The following SGCD variants were observed in gnomAD, a reference collection of about 807,000 sequenced individuals.
The protein encoded by SGCD is sarcoglycan delta, also known as delta-sarcoglycan.
Under a neutral mutation model 36.6 loss-of-function variants are expected in SGCD, and 18 were observed. The ratio of observed to expected loss-of-function variants is 0.49; its 90% CI spans 0.34 to 0.73. SGCD has a LOEUF of 0.73. SGCD is among the 30% of genes least tolerant of loss of function. The pLI is 0.01. For missense variants in SGCD, 387 were observed against 346.7 expected (o/e 1.12, Z -0.92); for synonymous variants, 133 against 130.6 (o/e 1.02, Z -0.12).
At chr5:156,480,410 C>T (rs757522623) in intron 3 of SGCD, among the ~76,000 whole-genome samples, 3 of 152,208 alleles carry the variant, frequency 2.0e-5, no homozygotes, top group African/African-American at 7.2e-5. Flanking sequence ...CACATATCTA[C>T]AGTATGATAG....
chr5:156,534,078 G>A (rs2431770), intron 4 of SGCD, among the ~76,000 whole-genome samples: 18,556 of 152,014 alleles, frequency 0.12, 1,289 homozygotes, highest in Admixed American at 0.17. Flanking sequence ...ATTCATTAGT[G>A]GCAGCCTAGG....
chr5:156,639,919 G>T (rs1327040615), intron 6 of SGCD, among the ~76,000 whole-genome samples: 1 of 150,048 alleles, frequency 6.7e-6, no homozygotes, highest in Non-Finnish European at 1.5e-5. Context: ...TTCTGACATT[G>T]GCTCTCCTTT....
chr5:155,907,260 G>A (rs1004858325), intron 1 of SGCD, among the ~76,000 whole-genome samples: 1 of 152,050 alleles, frequency 6.6e-6, no homozygotes, highest in Admixed American at 6.6e-5. Context: ...CATTGACAAC[G>A]CACTTGCTTA....
At chr5:156,033,560 C>T (rs1193489018) in intron 1 of SGCD, among the ~76,000 whole-genome samples, 2 of 152,146 alleles carry the variant, frequency 1.3e-5, no homozygotes, top group Admixed American at 1.3e-4. Context: ...AATTCTTAAC[C>T]TGAAGTGTAG....
rs2113205665 is a variant in SGCD, at chr5:156,764,233, G to A, written c.*4843G>A. 6.5e-6 allele frequency: 1 copy of A among 152,724 alleles called. No individual in the cohort carries two copies. The highest frequency in any genetic ancestry group is 3.4e-3 in the Middle Eastern group (1 of 294). The allele number at this position is 152,724 out of a possible 1,614,324, so 9.5% of individuals were successfully genotyped here. On this transcript the variant is annotated 3_prime_UTR_variant, in exon 9 of 9. Coordinates refer to ENST00000337851, the MANE Select transcript of SGCD (RefSeq NM_000337.6). ...GTGGTCTTTCATCACTATCTCCGTG[G>A]TGGAAGGTTCCCCTAGTTCCAACAT...
chr5:156,748,069 C>A (rs1001987637), intron 7 of SGCD, among the ~76,000 whole-genome samples: 2 of 152,112 alleles, frequency 1.3e-5, no homozygotes, highest in Non-Finnish European at 2.9e-5. Context: ...AAAGAATGAA[C>A]AACTGATGAA....
the SGCD span, among the ~76,000 whole-genome samples, chr5:155,828,242 C>T: frequency 7.2e-5 from 11 of 152,076 alleles, no homozygotes; most frequent in African/African-American, 2.7e-4. Context: ...ATGATGGTCA[C>T]CCTCACAATA....
At chr5:156,698,255 G>C (rs763390050) in intron 7 of SGCD, among the ~76,000 whole-genome samples, 2 of 152,138 alleles carry the variant, frequency 1.3e-5, no homozygotes, top group Non-Finnish European at 2.9e-5. Context: ...CATAAGAACA[G>C]AACCAAACAG....
intron 3 of SGCD, among the ~76,000 whole-genome samples, chr5:156,161,056 G>A (rs1350541187): frequency 1.3e-5 from 2 of 151,684 alleles, no homozygotes; most frequent in South Asian, 2.1e-4. Flanking sequence ...TACCCTTATA[G>A]CCTGCTTAGA....
At chr5:156,444,117 C>CTCTCTCTCT (rs1561699488) in intron 3 of SGCD, among the ~76,000 whole-genome samples, 1 of 41,430 alleles carries the variant, frequency 2.4e-5, no homozygotes, top group Non-Finnish European at 4.0e-5. Context: ...TCTCTCTCTC[C>CTCTCTCTCT]CCTTCCCTCT....
intron 7 of SGCD, among the ~76,000 whole-genome samples, chr5:156,751,603 A>G (rs568269593): frequency 1.3e-5 from 2 of 152,336 alleles, no homozygotes; most frequent in Non-Finnish European, 2.9e-5. Context: ...CACAAATCAC[A>G]CAAAAAATAA....
At chr5:156,093,874 A>G (rs1277517803) in intron 1 of SGCD, among the ~76,000 whole-genome samples, 1 of 152,198 alleles carries the variant, frequency 6.6e-6, no homozygotes, top group Non-Finnish European at 1.5e-5. Flanking sequence ...GGTGGGTTGG[A>G]ACTTTTCTGA....
At chr5:155,881,663 T>C (rs892099532) in intron 1 of SGCD, among the ~76,000 whole-genome samples, 3 of 152,234 alleles carry the variant, frequency 2.0e-5, no homozygotes, top group Non-Finnish European at 4.4e-5. Flanking sequence ...TCACGAAAGA[T>C]TTCTCCATAG....
intron 3 of SGCD, among the ~76,000 whole-genome samples, chr5:156,455,955 A>G (rs999084871): frequency 1.3e-5 from 2 of 152,140 alleles, no homozygotes; most frequent in African/African-American, 4.8e-5. Flanking sequence ...AGGATTGAGG[A>G]CCATGGCCAG....
intron 2 of SGCD, among the ~76,000 whole-genome samples, chr5:156,343,330 A>G (rs1768766682): frequency 6.6e-6 from 1 of 152,192 alleles, no homozygotes; most frequent in African/African-American, 2.4e-5. Context: ...TAAGGGCTGT[A>G]CCATTATCTG....
the SGCD span, among the ~76,000 whole-genome samples, chr5:155,738,843 G>C: frequency 5.3e-5 from 8 of 150,260 alleles, no homozygotes; most frequent in African/African-American, 1.7e-4. Context: ...GACTGTGAGA[G>C]AGTATGTATA....
In SGCD at chr5:156,437,045, C is replaced by T. The variant is rs554978727; in HGVS notation, c.193-71556C>T. On this transcript the variant is annotated intron_variant, in intron 3 of 8. Transcript: ENST00000337851. ...TTTTTTTTTATTCCCATTCATTTCT[C>T]ACAGTTGTTGCTACGTTCAAATACC... Among the ~76,000 whole-genome samples, 5 of 152,224 alleles carry T rather than the reference C, an allele frequency of 3.3e-5. No individual in the cohort carries two copies. The South Asian group carries it at 1.0e-3, about 32-fold the overall frequency.
At chr5:156,061,172 TA>T (rs1339024668) in intron 1 of SGCD, among the ~76,000 whole-genome samples, 1 of 136,986 alleles carries the variant, frequency 7.3e-6, no homozygotes, top group Non-Finnish European at 1.6e-5. Context: ...AAATTGCAAC[TA>T]TTTTTTTTTT....
At chr5:156,556,269 G>A (rs1042245326) in intron 4 of SGCD, among the ~76,000 whole-genome samples, 4 of 152,024 alleles carry the variant, frequency 2.6e-5, no homozygotes, top group Admixed American at 6.6e-5. Context: ...TAAATTGCCC[G>A]TGATTATTTG....
Sources: gnomAD v4.1 joint callset for allele counts (sites outside exome capture counted in the v4.1 genomes callset) on GRCh38, gnomAD v4.1.1 for gene constraint, MANE v1.5 for transcripts, NCBI Gene and HGNC (gene_info 2026-07-23, HGNC 2026-07-21) for gene names.